Variants in KAZN observed in about 807,000 individuals in gnomAD.
KAZN encodes the protein kazrin, periplakin interacting protein.
Under a neutral mutation model 87.4 loss-of-function variants are expected in KAZN, and 40 were observed. That is an observed-to-expected ratio of 0.46 (90% confidence interval 0.36 to 0.60). KAZN has a LOEUF of 0.60. KAZN is among the 20% of genes least tolerant of loss of function. KAZN has a pLI of 0.00. For missense variants in KAZN, 898 were observed against 1,073.9 expected (o/e 0.84, Z 2.29); for synonymous variants, 466 against 458.3 (o/e 1.02, Z -0.22).
chr1:15,060,781 A>G lies in KAZN; in HGVS notation c.1047+479A>G, dbSNP rs529699173. The G allele has an allele frequency of 7.0e-5, 11 of 157,852 alleles. 1 individual carries two copies. The highest frequency in any genetic ancestry group is 2.4e-4 in the Admixed American group (4 of 16,618). 9.8% of individuals were successfully genotyped at this position (157,852 alleles called of 1,614,324 possible). On this transcript the variant is annotated intron_variant, in intron 6 of 14. Transcript: ENST00000376030. ...TGTTTATTTCATCAAACACTTTTTGATTGCATACTGGGCACCAGCTCCCAG... is the reference window on the plus strand; with the variant it reads ...TGTTTATTTCATCAAACACTTTTTGGTTGCATACTGGGCACCAGCTCCCAG...
chr1:15,053,322 C>G (rs1674615811), intron 4 of KAZN, among the ~76,000 whole-genome samples: 1 of 152,156 alleles, frequency 6.6e-6, no homozygotes. Flanking sequence ...GATGCTAGGT[C>G]TGCTGCAGGT....
chr1:14,073,896 A>G (rs534977698), intron 1 of KAZN, among the ~76,000 whole-genome samples: 1 of 152,246 alleles, frequency 6.6e-6, no homozygotes, highest in African/African-American at 2.4e-5. Flanking sequence ...ATGATTTAAA[A>G]TCCTTTGGGT....
At chr1:14,784,641 C>G (rs1444285353) in intron 1 of KAZN, among the ~76,000 whole-genome samples, 3 of 152,186 alleles carry the variant, frequency 2.0e-5, no homozygotes, top group Non-Finnish European at 4.4e-5. Context: ...TGCCTCTAGT[C>G]TCTGGTACTT....
chr1:14,232,480 G>A (rs144707056), intron 2 of KAZN, among the ~76,000 whole-genome samples: 1 of 152,074 alleles, frequency 6.6e-6, no homozygotes, highest in Non-Finnish European at 1.5e-5. Flanking sequence ...TGATTCTTGG[G>A]GATCTGGAGA....
intron 13 of KAZN, among the ~76,000 whole-genome samples, chr1:15,110,549 T>TTTTTTGTGTG (rs138391066): frequency 3.4e-5 from 5 of 147,964 alleles, no homozygotes; most frequent in African/African-American, 1.3e-4. Flanking sequence ...GCATATGTGT[T>TTTTTTGTGTG]TGTGTGTGTG....
intron 2 of KAZN, among the ~76,000 whole-genome samples, chr1:14,530,634 C>T (rs1672156831): frequency 6.6e-6 from 1 of 152,158 alleles, no homozygotes; most frequent in Non-Finnish European, 1.5e-5. Context: ...CTCTCTCTCT[C>T]TCGCTCCCTT....
At chr1:14,026,470 T>G (rs1006150761) in intron 1 of KAZN, among the ~76,000 whole-genome samples, 3 of 152,208 alleles carry the variant, frequency 2.0e-5, no homozygotes, top group Non-Finnish European at 4.4e-5. Context: ...TTCACTACAT[T>G]AATAAACAAT....
chr1:14,959,816 C>T (rs925965977), intron 1 of KAZN, among the ~76,000 whole-genome samples: 5 of 152,134 alleles, frequency 3.3e-5, no homozygotes, highest in Admixed American at 6.5e-5. Context: ...TCTATCCGCC[C>T]GCAGGACTGA....
At chr1:14,830,413 G>T (rs1351583180) in intron 1 of KAZN, among the ~76,000 whole-genome samples, 5 of 152,168 alleles carry the variant, frequency 3.3e-5, no homozygotes, top group African/African-American at 1.2e-4. Flanking sequence ...TAATTGTCAG[G>T]CCTGAGTCAG....
chr1:14,198,455 C>T lies in KAZN; in HGVS notation c.249+17863C>T, dbSNP rs949299255. Among the ~76,000 whole-genome samples, 3 of 152,110 alleles carry T rather than the reference C, an allele frequency of 2.0e-5. No homozygotes were observed. In the East Asian group the frequency reaches 5.8e-4, roughly 29 times the overall value. On this transcript the variant is annotated intron_variant, in intron 2 of 16. Transcript: ENST00000636203. ...TCTCTAATACAAATATAAAAATTAG[C>T]TGGGCATGGTGGCGCATGCCTGTAA...
intron 1 of KAZN, among the ~76,000 whole-genome samples, chr1:14,177,595 T>TA (rs1557539441): frequency 2.0e-5 from 3 of 152,190 alleles, no homozygotes; most frequent in African/African-American, 7.2e-5. Context: ...AATTTTTTTT[T>TA]ATCTCCTGGT....
intron 1 of KAZN, among the ~76,000 whole-genome samples, chr1:14,128,704 C>T (rs1018820): frequency 0.57 from 87,070 of 151,864 alleles, 26,258 homozygotes; most frequent in East Asian, 0.76. Context: ...AGGACTTGAA[C>T]ATATGAATTT....
chr1:14,361,617 C>A (rs1242813539), intron 2 of KAZN, among the ~76,000 whole-genome samples: 2 of 152,258 alleles, frequency 1.3e-5, no homozygotes, highest in African/African-American at 4.8e-5. Context: ...GTTGTGAAGA[C>A]CATGGGAAAA....
At chr1:15,039,177 T>C (rs539438141) in intron 3 of KAZN, among the ~76,000 whole-genome samples, 5 of 152,366 alleles carry the variant, frequency 3.3e-5, no homozygotes, top group African/African-American at 1.2e-4. Context: ...CCCTCATCTC[T>C]TCACATTTGC....
At chr1:14,429,642 T>C (rs539611039) in intron 2 of KAZN, among the ~76,000 whole-genome samples, 33 of 152,166 alleles carry the variant, frequency 2.2e-4, no homozygotes, top group African/African-American at 7.7e-4. Context: ...AGTGCAACCA[T>C]GGAAACAAAT....
At chr1:14,447,592 C>A (rs964710112) in intron 2 of KAZN, among the ~76,000 whole-genome samples, 2 of 152,066 alleles carry the variant, frequency 1.3e-5, no homozygotes, top group Non-Finnish European at 2.9e-5. Flanking sequence ...CAATGTCCAT[C>A]CTCTGCTTCA....
At chr1:14,934,317 C>A (rs1043303051) in intron 1 of KAZN, among the ~76,000 whole-genome samples, 1 of 151,742 alleles carries the variant, frequency 6.6e-6, no homozygotes, top group East Asian at 1.9e-4. Flanking sequence ...AAACAATTCT[C>A]TGCTTCAGCC....
intron 2 of KAZN, among the ~76,000 whole-genome samples, chr1:14,434,458 T>G (rs1272370241): frequency 6.6e-6 from 1 of 152,246 alleles, no homozygotes; most frequent in African/African-American, 2.4e-5. Flanking sequence ...ACATTGGCAT[T>G]CAGGGGTAGA....
intron 2 of KAZN, among the ~76,000 whole-genome samples, chr1:14,438,130 G>A (rs927780358): frequency 4.0e-5 from 6 of 149,660 alleles, no homozygotes; most frequent in African/African-American, 9.8e-5. Context: ...GCAACACCAC[G>A]TGCCCTGCTT....
Sources: allele counts gnomAD v4.1 joint callset (sites outside exome capture counted in the v4.1 genomes callset), GRCh38; gene constraint gnomAD v4.1.1; transcripts MANE v1.5; gene names NCBI Gene and HGNC (gene_info 2026-07-23, HGNC 2026-07-21).